The following KRT40 variants were observed in gnomAD, a reference collection of about 807,000 sequenced individuals.
KRT40 encodes the protein keratin 40.
KRT40 carries 47 observed loss-of-function variants against 43.5 expected under a neutral mutation model. The observed-to-expected ratio is 1.08, with a 90% CI of 0.86 to 1.38. The LOEUF (loss-of-function observed/expected upper bound fraction) is 1.38. Among genes scored for constraint, KRT40 ranks in the 40% most tolerant of loss-of-function variants. The probability of loss-of-function intolerance (pLI) is 0.00; values close to 1 mark genes in which losing one functional copy is unlikely to be tolerated. For synonymous variants in KRT40, 212 were observed against 214.0 expected (o/e 0.99, Z 0.08); for missense variants, 573 against 523.6 (o/e 1.09, Z -0.92).
At chr17:40,984,397 C>G (rs1354776864), upstream of KRT40, 1 of 677,484 alleles carries the variant, frequency 1.5e-6, no homozygotes, top group African/African-American at 1.8e-5. Context: ...CGGATGTTTT[C>G]TTTATCACTG....
chr17:40,978,713 C>G (rs570874658), intron 6 of KRT40, 91 bp downstream of exon 6: 3 of 1,167,358 alleles, frequency 2.6e-6, no homozygotes. Context: ...CTGGGGAGGT[C>G]TGAACTTGTC....
At chr17:40,979,462 A>G (rs1177859871) in intron 5 of KRT40, among the ~76,000 whole-genome samples, 1 of 151,354 alleles carries the variant, frequency 6.6e-6, no homozygotes, top group African/African-American at 2.4e-5. Flanking sequence ...AGATCATGCC[A>G]TTGCACTCCA....
At chr17:40,980,155 GT>G (rs1165927460) in intron 5 of KRT40, among the ~76,000 whole-genome samples, 1 of 152,208 alleles carries the variant, frequency 6.6e-6, no homozygotes, top group Non-Finnish European at 1.5e-5. Context: ...CTGAGTCTCA[GT>G]TTTCCTTATC....
At chr17:40,986,588 T>C (rs191946708), upstream of KRT40, among the ~76,000 whole-genome samples, 39 of 152,250 alleles carry the variant, frequency 2.6e-4, no homozygotes, top group East Asian at 7.7e-4. Flanking sequence ...TACCTACAAC[T>C]ATCTTGATAA....
Position 40,978,915 on chromosome 17 carries a change from C to G in KRT40, c.1085G>C (p.Arg362Pro). Residue 362 changes from arginine to proline, a missense_variant, in exon 6 of 7, where the codon CGC becomes CCC. By Grantham distance (103) the Arg-to-Pro change is moderately radical. Transcript: ENST00000377755. ...CTGGTTCTGTCGCTCCAGGTCGCAG[C>G]GGATCTCGGCCAGCTGGTTCTCCAG... The part of the protein sequence containing the change: ...DNLENQLAEI[R>P]CDLERQNQEY... The G allele has an allele frequency of 6.2e-7, 1 of 1,614,126 alleles. No homozygotes were observed. Among genetic ancestry groups the G allele is most frequent in the Non-Finnish European group, 8.5e-7 (1 of 1,180,010 alleles).
chr17:40,978,151 C>T lies in KRT40; in HGVS notation c.*46G>A, dbSNP rs1220935572. On this transcript the variant is annotated 3_prime_UTR_variant, in exon 7 of 7. Transcript: ENST00000377755. ...CCCTGGTTGAAGCCCCATCTCCTTTCTAGGATGCTGCTGGCTTTGATTCCT... is the reference window on the plus strand; with the variant it reads ...CCCTGGTTGAAGCCCCATCTCCTTTTTAGGATGCTGCTGGCTTTGATTCCT... The T allele has an allele frequency of 2.8e-6, 4 of 1,449,514 alleles. No homozygotes were observed. The highest frequency in any genetic ancestry group is 1.4e-5 in the African/African-American group (1 of 70,388). The allele number at this position is 1,449,514 out of a possible 1,614,324, so 89.8% of individuals were successfully genotyped here.
In KRT40 at chr17:40,978,958, G is replaced by A. The variant is rs774040165; in HGVS notation, c.1042C>T (p.Gln348Ter). Residue 348 changes from glutamine (Q) to a stop codon, truncating the protein, a stop_gained, in exon 6 of 7, where the codon CAG becomes TAG. Coordinates refer to ENST00000377755, the MANE Select transcript of KRT40 (RefSeq NM_001389244.1). LOFTEE classifies it high-confidence loss of function. ...AQYSSQLAQIQCLIDNLENQL... is the reference protein window; with the variant it reads ...AQYSSQLAQI ...TTCTCCAGGTTATCGATCAGACACT[G>A]AATTTGGGCCAGCTGGGAGCTGTAC... 1.9e-6 allele frequency: 3 copies of A among 1,614,016 alleles called. No individual in the cohort carries two copies. The highest frequency in any genetic ancestry group is 2.5e-6 in the Non-Finnish European group (3 of 1,180,018).
At chr17:40,986,862 A>G (rs1912492321), upstream of KRT40, 2 of 152,150 alleles carry the variant, frequency 1.3e-5, no homozygotes, top group African/African-American at 4.8e-5. Flanking sequence ...CCTTCCACTT[A>G]TGGAATGCAA....
rs5020904 is a variant in KRT40, at chr17:40,982,666, T to A, written c.531-203A>T. Among the ~76,000 whole-genome samples the A allele has an allele frequency of 9.1e-3, 593 of 65,240 alleles. 2 individuals are homozygous for A. The highest frequency in any genetic ancestry group is 0.04 in the African/African-American group (264 of 6,680). 42.8% of individuals were successfully genotyped at this position (65,240 alleles called of 152,430 possible). ...GAATATTTGTGTGTGTGTGTGTGTG[T>A]GAGAGAGAGAGATTGAGAGAGAGAG... is the stretch of plus-strand genomic sequence containing the variant. On this transcript the variant is annotated intron_variant, in intron 2 of 6. Transcript: ENST00000377755.
At position 40,984,174 on chromosome 17, in the gene KRT40, G is replaced by T. The variant is rs747628442; in HGVS notation, c.100C>A (p.Leu34Ile). Residue 34 changes from leucine to isoleucine, a missense_variant, in exon 1 of 7, where the codon CTC becomes ATC. By Grantham distance (5) the Leu-to-Ile change is conservative. Transcript: ENST00000377755. The stretch of plus-strand genomic sequence containing the variant: ...CGGGATGTAGCACAGGTACCGGGGA[G>T]ACAAGCTGTTTCCACGGAGCAGCTT... The part of the protein sequence containing the change: ...ASSCSVETAC[L>I]PGTCATSRCQ... 12 of 1,613,962 alleles carry T rather than the reference G, an allele frequency of 7.4e-6. No individual in the cohort carries two copies. Among genetic ancestry groups the T allele is most frequent in the Non-Finnish European group, 9.3e-6 (11 of 1,180,014 alleles).
At chr17:40,982,945 T>C (rs998844659) in intron 2 of KRT40, 101 bp downstream of exon 2, 8 of 561,278 alleles carry the variant, frequency 1.4e-5, no homozygotes, top group African/African-American at 1.2e-4. Context: ...GAGGCAGAGG[T>C]TGCAGTGAGC....
At chr17:40,984,894 G>A (rs552366184), upstream of KRT40, among the ~76,000 whole-genome samples, 3 of 136,908 alleles carry the variant, frequency 2.2e-5, no homozygotes, top group South Asian at 4.4e-4. Context: ...GTCTACCTGC[G>A]TACAAATGGA....
At chr17:40,986,441 A>G (rs1395149272), upstream of KRT40, 1 of 152,228 alleles carries the variant, frequency 6.6e-6, no homozygotes, top group African/African-American at 2.4e-5. Flanking sequence ...AACCCTCTTC[A>G]GCACACAGTA....
rs753239638 is a variant in KRT40 at position 40,983,111 on chromosome 17, T to G, written c.465A>C (p.Ala155=). 1 of 1,490,136 alleles carries G rather than the reference T, an allele frequency of 6.7e-7. No individual in the cohort carries two copies. The highest frequency in any genetic ancestry group is 9.3e-7 in the Non-Finnish European group (1 of 1,074,062). The allele number at this position is 1,490,136 out of a possible 1,614,324, so 92.3% of individuals were successfully genotyped here. A position where few individuals can be genotyped will look rare whatever the true frequency, so the allele number is the denominator to read the frequency against. ...GCTGTACAGCAAGTCTAGAATTCTC[T>G]GCTTTCGTGCATAAGATCTGGGAAG... is the stretch of plus-strand genomic sequence containing the variant. ...DLQQKILCTK[A]ENSRLAVQLD... The change falls in exon 2 of 7, where the codon GCA becomes GCC. Residue 155 remains alanine (A), a synonymous_variant. Transcript: ENST00000377755.
At chr17:40,982,830 C>T (rs945260180) in intron 2 of KRT40, among the ~76,000 whole-genome samples, 1 of 152,076 alleles carries the variant, frequency 6.6e-6, no homozygotes, top group Admixed American at 6.5e-5. Flanking sequence ...ATGGTGAAAC[C>T]CTGTCTCTAC....
rs747271423 is a variant in KRT40, at chr17:40,983,873, G to C, written c.401C>G (p.Pro134Arg). The change falls in exon 1 of 7, where the codon CCG becomes CGG. Residue 134 changes from proline (P) to arginine (R), a missense_variant. Transcript: ENST00000377755. Reference sequence around the variant, plus strand: ...GGTGTTGAAGTAACGCTGATAATCCGGGCACACCATTGGGATATCCTGTTC... The same window carrying C: ...GGTGTTGAAGTAACGCTGATAATCCCGGCACACCATTGGGATATCCTGTTC... ...QCEQDIPMVCPDYQRYFNTIE... is the reference protein window; with the variant it reads ...QCEQDIPMVCRDYQRYFNTIE... 2 of 1,614,060 alleles carry C rather than the reference G, an allele frequency of 1.2e-6. No individual in the cohort carries two copies. Among genetic ancestry groups the C allele is most frequent in the East Asian group, 4.5e-5 (2 of 44,882 alleles).
At chr17:40,984,918 A>G (rs149770287), upstream of KRT40, among the ~76,000 whole-genome samples, 161 of 152,252 alleles carry the variant, frequency 1.1e-3, 3 homozygotes, top group East Asian at 0.02. Flanking sequence ...GTCACTTTAC[A>G]TAACTGATAG....
At position 40,978,886 on chromosome 17, in the gene KRT40, A is replaced by G. The variant is rs563826834; in HGVS notation, c.1114T>C (p.Tyr372His). 1.1e-5 allele frequency: 17 copies of G among 1,613,482 alleles called. No individual in the cohort carries two copies. The East Asian group carries it at 3.6e-4, about 34-fold the overall frequency. ...GCCTTCACGTCCAGGAGCACCTGGTACTCCTGGTTCTGTCGCTCCAGGTCG... is the reference window on the plus strand; with the variant it reads ...GCCTTCACGTCCAGGAGCACCTGGTGCTCCTGGTTCTGTCGCTCCAGGTCG... ...RCDLERQNQE[Y>H]QVLLDVKARL... Residue 372 changes from tyrosine (Y) to histidine (H), a missense_variant, in exon 6 of 7, where the codon TAC becomes CAC. Physicochemically the swap from Tyr to His is moderately conservative, Grantham distance 83 (BLOSUM62 2). Coordinates refer to ENST00000377755, the MANE Select transcript of KRT40 (RefSeq NM_001389244.1).
chr17:40,984,095 A>G lies in KRT40; in HGVS notation c.179T>C (p.Leu60Pro), dbSNP rs1408498207. ...ACAACTCCCAGTAAAGTAGCATGGC[A>G]GGAGGCAACCAGTCAGCCCGCGAGA... is the stretch of plus-strand genomic sequence containing the variant. Reference protein sequence around the residue: ...SRSRGLTGCLLPCYFTGSCNS... With the variant: ...SRSRGLTGCLPPCYFTGSCNS... Residue 60 changes from leucine to proline, a missense_variant, in exon 1 of 7, where the codon CTG becomes CCG. Coordinates refer to ENST00000377755, the MANE Select transcript of KRT40 (RefSeq NM_001389244.1). 4 of 1,614,026 alleles carry G rather than the reference A, an allele frequency of 2.5e-6. No individual in the cohort carries two copies. The highest frequency in any genetic ancestry group is 3.4e-6 in the Non-Finnish European group (4 of 1,180,020).
Sources: allele counts gnomAD v4.1 joint callset (sites outside exome capture counted in the v4.1 genomes callset), GRCh38; gene constraint gnomAD v4.1.1; transcripts MANE v1.5; gene names NCBI Gene and HGNC (gene_info 2026-07-23, HGNC 2026-07-21).